MYO18A: variants seen among roughly 807,000 people sequenced by gnomAD.
The protein encoded by MYO18A is myosin XVIIIA, also known as unconventional myosin-XVIIIa.
MYO18A carries 78 observed loss-of-function variants against 235.8 expected under a neutral mutation model. The observed-to-expected ratio is 0.33, with a 90% CI of 0.28 to 0.40. The LOEUF is 0.40. MYO18A is among the 10% of genes least tolerant of loss of function. MYO18A has a pLI of 1.00. For missense variants in MYO18A, 2,215 were observed against 2,699.3 expected (o/e 0.82, Z 3.98); for synonymous variants, 977 against 1,077.8 (o/e 0.91, Z 1.83).
intron 39 of MYO18A, among the ~76,000 whole-genome samples, chr17:29,086,101 G>A (rs1340015305): frequency 4.6e-5 from 7 of 152,242 alleles, no homozygotes; most frequent in Non-Finnish European, 8.8e-5. Flanking sequence ...TAGTAACAAG[G>A]CACCACAGCC....
rs1163472920 is a variant in MYO18A at position 29,073,867 on chromosome 17, C to T, written c.*903G>A. 1.3e-6 allele frequency: 2 copies of T among 1,592,492 alleles called. No homozygotes were observed. Among genetic ancestry groups the T allele is most frequent in the Admixed American group, 1.7e-5 (1 of 59,274 alleles). ...TCACAAGTCCTCAACCCCAAGCCTT[C>T]CCTCTCAAGTTGAGTTTATGGTCCA... On this transcript the variant is annotated 3_prime_UTR_variant, in exon 42 of 42. Coordinates refer to ENST00000527372, the MANE Select transcript of MYO18A (RefSeq NM_078471.4).
At chr17:29,083,506 C>CACACACACACACACA (rs2066168985) in intron 40 of MYO18A, among the ~76,000 whole-genome samples, 1 of 75,920 alleles carries the variant, frequency 1.3e-5, no homozygotes, top group Non-Finnish European at 2.4e-5. Flanking sequence ...AAATAAACAG[C>CACACACACACACACA]CACACAGGCA....
Position 29,110,493 on chromosome 17 carries a change from G to A in MYO18A, c.3030C>T (p.Thr1010=). ...RRATSMRKTF[T]TGMAAVKKKS... ...TCTTTTTGACAGCCGCCATGCCTGT[G>A]GTAAAGGTTTTCCGCATGCTGGTGG... is the stretch of plus-strand genomic sequence containing the variant. Residue 1010 remains threonine (T), a synonymous_variant, in exon 18 of 42, where the codon ACC becomes ACT. Transcript: ENST00000527372. 6.2e-7 allele frequency: 1 copy of A among 1,602,844 alleles called. No homozygotes were observed. The highest frequency in any genetic ancestry group is 8.5e-7 in the Non-Finnish European group (1 of 1,175,092).
At chr17:29,177,675 G>A (rs1228596461) in intron 1 of MYO18A, among the ~76,000 whole-genome samples, 2 of 152,152 alleles carry the variant, frequency 1.3e-5, no homozygotes, top group African/African-American at 4.8e-5. Context: ...CAAGTCCTGT[G>A]GGAACCTGTC....
Position 29,128,710 on chromosome 17 carries a change from A to G in MYO18A, c.1000-6457T>C, listed in dbSNP as rs1430010545. 3.3e-5 allele frequency among the ~76,000 whole-genome samples: 5 copies of G among 152,172 alleles called. No homozygotes were observed. The South Asian group carries it at 8.3e-4, about 25-fold the overall frequency. On this transcript the variant is annotated intron_variant, in intron 2 of 41. Coordinates refer to ENST00000527372, the MANE Select transcript of MYO18A (RefSeq NM_078471.4). ...GGCTACCCCAGGAAGCCCACTTTCC[A>G]TCTTACAAATAGGACAACTGCAGCT...
chr17:29,090,559 G>T lies in MYO18A; in HGVS notation c.5361C>A (p.Asn1787Lys). 3 of 1,598,250 alleles carry T rather than the reference G, an allele frequency of 1.9e-6. No homozygotes were observed. The highest frequency in any genetic ancestry group is 1.7e-5 in the Admixed American group (1 of 57,916). ...NDLQAQLEEANKEKQELQEKL... is the reference protein window; with the variant it reads ...NDLQAQLEEAKKEKQELQEKL... ...TCTCCTGCAGCTCCTGCTTCTCTTT[G>T]TTGGCTTCTTCTAGCTGAGCTTGGA... is the stretch of plus-strand genomic sequence containing the variant. Residue 1787 changes from asparagine (N) to lysine (K), a missense_variant, in exon 36 of 42, where the codon AAC becomes AAA. Asn to Lys is a moderately conservative substitution (Grantham distance 94). Transcript: ENST00000527372.
At chr17:29,084,067 A>C (rs974797621) in intron 40 of MYO18A, among the ~76,000 whole-genome samples, 1 of 152,140 alleles carries the variant, frequency 6.6e-6, no homozygotes, top group Non-Finnish European at 1.5e-5. Context: ...TGGGCTCAAT[A>C]ACTTGGAGCT....
In MYO18A at chr17:29,071,846, A is replaced by G. The variant is rs2065887250; in HGVS notation, c.*2924T>C. Reference sequence around the variant, plus strand: ...ATGCATACTAGCAGGTGCAGCATGTATTTTGTGTCTACCTTCCTCCACTTT... The same window carrying G: ...ATGCATACTAGCAGGTGCAGCATGTGTTTTGTGTCTACCTTCCTCCACTTT... On this transcript the variant is annotated 3_prime_UTR_variant, in exon 42 of 42. Coordinates refer to ENST00000527372, the MANE Select transcript of MYO18A (RefSeq NM_078471.4). 2.0e-5 allele frequency: 3 copies of G among 152,124 alleles called. No individual in the cohort carries two copies. The highest frequency in any genetic ancestry group is 4.8e-5 in the African/African-American group (2 of 41,392). 9.4% of individuals were successfully genotyped at this position (152,124 alleles called of 1,614,324 possible). A position where few individuals can be genotyped will look rare whatever the true frequency, so the allele number is the denominator to read the frequency against.
At chr17:29,078,345 G>C (rs1871466699) in intron 41 of MYO18A, 1 of 152,230 alleles carries the variant, frequency 6.6e-6, no homozygotes, top group South Asian at 2.1e-4. Flanking sequence ...AGCCAACACT[G>C]GTTCCTTGGT....
At chr17:29,115,535 C>T in intron 12 of MYO18A, 94 bp from the exon 13 acceptor site, 1 of 1,497,972 alleles carries the variant, frequency 6.7e-7, no homozygotes, top group Non-Finnish European at 9.0e-7. Context: ...CAGCACGGGG[C>T]CTGGGGCAGG....
intron 23 of MYO18A, 30 bp from the exon 24 acceptor site, chr17:29,098,475 C>T: frequency 6.2e-7 from 1 of 1,612,382 alleles, no homozygotes; most frequent in Non-Finnish European, 8.5e-7. Context: ...GCAAAGTGAG[C>T]CAAAGGCACT....
Position 29,098,864 on chromosome 17 carries a change from C to T in MYO18A, c.3742G>A (p.Glu1248Lys), listed in dbSNP as rs760272640. 2.4e-5 allele frequency: 38 copies of T among 1,613,872 alleles called. No homozygotes were observed. In the South Asian group the frequency reaches 3.1e-4, roughly 13 times the overall value. ...KLFTTVRPLI[E>K]VQLSEEQIRN... is the part of the protein sequence containing the mutation. Reference sequence around the variant, plus strand: ...ATCTGCTCCTCTGACAGCTGTACTTCGATGAGGGGCCTCACTGTGGTAAAA... The same window carrying T: ...ATCTGCTCCTCTGACAGCTGTACTTTGATGAGGGGCCTCACTGTGGTAAAA... Residue 1248 changes from glutamate to lysine, a missense_variant, in exon 23 of 42, where the codon GAA becomes AAA. Coordinates refer to ENST00000527372, the MANE Select transcript of MYO18A (RefSeq NM_078471.4).
intron 37 of MYO18A, among the ~76,000 whole-genome samples, chr17:29,087,378 T>C (rs775750131): frequency 1.3e-5 from 2 of 152,162 alleles, no homozygotes; most frequent in African/African-American, 2.4e-5. Context: ...TGAAAGGTGC[T>C]ATTATCATTA....
chr17:29,098,616 G>A (rs998516764), intron 23 of MYO18A, among the ~76,000 whole-genome samples, 171 bp from the exon 24 acceptor site: 1 of 152,190 alleles, frequency 6.6e-6, no homozygotes, highest in Non-Finnish European at 1.5e-5. Flanking sequence ...GTCCCTAGAC[G>A]CTTCCCAATA....
chr17:29,166,667 G>C lies in MYO18A; in HGVS notation c.274C>G (p.Leu92Val), dbSNP rs2068291696. The C allele has an allele frequency of 6.2e-7, 1 of 1,613,692 alleles. No homozygotes were observed. The highest frequency in any genetic ancestry group is 1.3e-5 in the African/African-American group (1 of 74,904). The change falls in exon 2 of 42, where the codon CTG becomes GTG. Residue 92 changes from leucine to valine, a missense_variant. Leu to Val is a conservative substitution (Grantham distance 32). Coordinates refer to ENST00000527372, the MANE Select transcript of MYO18A (RefSeq NM_078471.4). ...DSDSNRGSVI[L>V]DSGHLSTASS... ...GCTGTACTTAGGTGGCCCGAGTCCA[G>C]GATGACGCTGCCCCGGTTACTATCG...
At position 29,111,875 on chromosome 17, in the gene MYO18A, G is replaced by A. The variant is rs112408932; in HGVS notation, c.2599-12C>T. 968 of 1,603,394 alleles carry A rather than the reference G, an allele frequency of 6.0e-4. 5 individuals carry two copies. In the African/African-American group the frequency reaches 0.012, roughly 19 times the overall value. On this transcript the variant is annotated splice_polypyrimidine_tract_variant and intron_variant, in intron 15 of 41. Coordinates refer to ENST00000527372, the MANE Select transcript of MYO18A (RefSeq NM_078471.4). The surrounding 1 kb of genome is among the most constrained non-coding windows in gnomAD (Gnocchi z 5.1). ...GCCAGCGAGCGGACCTACAGAGAAG[G>A]AAGGAAATCCCTCCTTGTCATATGG...
intron 34 of MYO18A, 75 bp downstream of exon 34, chr17:29,092,268 G>T: frequency 9.0e-7 from 1 of 1,116,748 alleles, no homozygotes; most frequent in Non-Finnish European, 1.3e-6. Flanking sequence ...CCTGTCTAGG[G>T]TGAAGGGAGC....
chr17:29,148,876 G>A (rs1052353369), intron 2 of MYO18A, among the ~76,000 whole-genome samples: 1 of 152,208 alleles, frequency 6.6e-6, no homozygotes, highest in African/African-American at 2.4e-5. Flanking sequence ...GTCAGGCTCT[G>A]TGAGGGCCGA....
At chr17:29,099,498 G>A (rs2066603718) in intron 22 of MYO18A, 136 bp downstream of exon 22, 6 of 1,215,650 alleles carry the variant, frequency 4.9e-6, no homozygotes, top group Non-Finnish European at 6.7e-6. Context: ...CCAGGGAGCT[G>A]CCTGTTCCCC....
Sources: allele counts gnomAD v4.1 joint callset (sites outside exome capture counted in the v4.1 genomes callset), GRCh38; gene constraint gnomAD v4.1.1; non-coding constraint Gnocchi (gnomAD v3.1); transcripts MANE v1.5; gene names NCBI Gene and HGNC (gene_info 2026-07-23, HGNC 2026-07-21).